VAV3: variants seen among roughly 807,000 people sequenced by gnomAD.
VAV3 encodes the protein vav guanine nucleotide exchange factor 3.
Under a neutral mutation model 131.2 loss-of-function variants are expected in VAV3, and 94 were observed. The ratio of observed to expected loss-of-function variants is 0.72; its 90% CI spans 0.61 to 0.85. The LOEUF is 0.85. Among genes scored for constraint, VAV3 ranks in the 40% least tolerant of loss-of-function variants. The pLI is 0.00. For missense variants in VAV3, 939 were observed against 1,002.7 expected, an observed-to-expected ratio of 0.94 and a Z score of 0.86; for synonymous variants, 349 against 342.0, an observed-to-expected ratio of 1.02 and a Z score of -0.22.
chr1:107,940,095 C>T (rs541670800), intron 1 of VAV3, among the ~76,000 whole-genome samples: 4 of 152,148 alleles, frequency 2.6e-5, no homozygotes, highest in Admixed American at 6.6e-5. Context: ...TCTCAAATTT[C>T]GTATTCTATA....
chr1:107,634,654 G>A (rs1654764440), intron 20 of VAV3, among the ~76,000 whole-genome samples: 1 of 151,688 alleles, frequency 6.6e-6, no homozygotes, highest in African/African-American at 2.4e-5. Context: ...CTTCTGCACA[G>A]CAAAAGAAAC....
intron 3 of VAV3, among the ~76,000 whole-genome samples, chr1:107,779,049 A>C (rs1182240266): frequency 6.6e-6 from 1 of 152,140 alleles, no homozygotes; most frequent in Non-Finnish European, 1.5e-5. Flanking sequence ...AAAAGCTATG[A>C]GTTATTATGA....
At chr1:107,817,028 A>G (rs1285517667) in intron 2 of VAV3, among the ~76,000 whole-genome samples, 1 of 152,224 alleles carries the variant, frequency 6.6e-6, no homozygotes, top group Non-Finnish European at 1.5e-5. Context: ...TGTTCCTCCA[A>G]TAACAGCTAT....
chr1:107,793,490 C>T (rs891366498), intron 2 of VAV3, among the ~76,000 whole-genome samples: 1 of 152,142 alleles, frequency 6.6e-6, no homozygotes, highest in Admixed American at 6.5e-5. Flanking sequence ...CGGCCTTATT[C>T]ACTGCAGTAT....
rs1308026021 is a variant in VAV3, at chr1:107,869,448, A to G, written c.321+5453T>C. Among the ~76,000 whole-genome samples the G allele has an allele frequency of 3.3e-5, 5 of 152,186 alleles. No individual in the cohort carries two copies. In the East Asian group the frequency reaches 5.8e-4, roughly 18 times the overall value. On this transcript the variant is annotated intron_variant, in intron 2 of 26. Transcript: ENST00000370056. Reference sequence around the variant, plus strand: ...AATAGTGATAATAACATTAACAATAAGAGTACTTACCTTGGACCTTGACAC... The same window carrying G: ...AATAGTGATAATAACATTAACAATAGGAGTACTTACCTTGGACCTTGACAC...
intron 15 of VAV3, among the ~76,000 whole-genome samples, chr1:107,709,609 C>G (rs1016416486): frequency 6.6e-6 from 1 of 152,122 alleles, no homozygotes; most frequent in Non-Finnish European, 1.5e-5. Flanking sequence ...TCTTGTAGTT[C>G]CAATAATCCC....
rs1247247262 is a variant in VAV3 at position 107,787,350 on chromosome 1, AAC to A, written c.322-7860_322-7859del. 1.9e-4 allele frequency among the ~76,000 whole-genome samples: 29 copies of A among 152,328 alleles called. 1 individual carries two copies. Among genetic ancestry groups the A allele is most frequent in the African/African-American group, 7.0e-4 (29 of 41,584 alleles). On this transcript the variant is annotated intron_variant, in intron 2 of 26. Coordinates refer to ENST00000370056, the MANE Select transcript of VAV3 (RefSeq NM_006113.5). ...CAATGCTTCCTGCTCTCAAAAAACC[AAC>A]AGTCTATTAGGAAAGACCATAACAA...
chr1:107,576,359 T>G, intron 25 of VAV3: 2 of 1,470,454 alleles, frequency 1.4e-6, no homozygotes, highest in Middle Eastern at 1.7e-4. Flanking sequence ...CAGAAGCAAG[T>G]TGAAGAGACA....
intron 1 of VAV3, among the ~76,000 whole-genome samples, chr1:107,929,730 T>C (rs1673331294): frequency 1.3e-5 from 2 of 152,190 alleles, no homozygotes; most frequent in Admixed American, 6.5e-5. Context: ...TTTGCTTGTT[T>C]GTTTGCTTGT....
intron 2 of VAV3, among the ~76,000 whole-genome samples, chr1:107,816,474 G>C (rs566895709): frequency 4.5e-4 from 69 of 152,252 alleles, no homozygotes; most frequent in South Asian, 1.4e-3. Flanking sequence ...GTCTTATACA[G>C]TCTTGAGCAG....
At chr1:107,797,255 C>G (rs1481975698) in intron 2 of VAV3, among the ~76,000 whole-genome samples, 1 of 152,166 alleles carries the variant, frequency 6.6e-6, no homozygotes, top group Non-Finnish European at 1.5e-5. Flanking sequence ...GTCACTTCAG[C>G]TTTCTTATAA....
chr1:107,591,557 C>T (rs186513648), intron 25 of VAV3, among the ~76,000 whole-genome samples: 7 of 152,242 alleles, frequency 4.6e-5, no homozygotes, highest in East Asian at 3.9e-4. Flanking sequence ...ATGGACCAGA[C>T]GCTTCTATGT....
At chr1:107,852,704 T>C (rs1410461847) in intron 2 of VAV3, among the ~76,000 whole-genome samples, 1 of 152,206 alleles carries the variant, frequency 6.6e-6, no homozygotes, top group African/African-American at 2.4e-5. Context: ...GTATATCAAC[T>C]GGTATCTTAA....
Position 107,583,364 on chromosome 1 carries a change from T to C in VAV3, c.2351-9166A>G, listed in dbSNP as rs542115697. 2.6e-3 allele frequency among the ~76,000 whole-genome samples: 397 copies of C among 152,294 alleles called. 1 individual carries two copies. Among genetic ancestry groups the C allele is most frequent in the African/African-American group, 9.1e-3 (378 of 41,552 alleles). On this transcript the variant is annotated intron_variant, in intron 25 of 26. Transcript: ENST00000370056. ...AAACTGGCACAAGACAAGGATGCCC[T>C]CTCTCACCACTCCTATTCAACATAG... is the stretch of plus-strand genomic sequence containing the variant.
intron 1 of VAV3, among the ~76,000 whole-genome samples, chr1:107,956,997 T>G (rs1324193892): frequency 6.6e-6 from 1 of 152,104 alleles, no homozygotes; most frequent in African/African-American, 2.4e-5. Context: ...GTTCAAAGGA[T>G]TGTTGGGTTT....
intron 2 of VAV3, among the ~76,000 whole-genome samples, chr1:107,868,246 T>C (rs1025215254): frequency 3.9e-5 from 6 of 152,202 alleles, no homozygotes; most frequent in African/African-American, 1.4e-4. Flanking sequence ...ACGTGTTTTA[T>C]GTCAAACAAG....
At chr1:107,757,468 T>G (rs1182253823) in intron 10 of VAV3, 139 bp from the exon 11 acceptor site, 1 of 734,432 alleles carries the variant, frequency 1.4e-6, no homozygotes, top group African/African-American at 1.8e-5. Flanking sequence ...GGGCTCCATT[T>G]CCATCAAAAA....
chr1:107,837,234 G>A (rs1557874534), intron 2 of VAV3, among the ~76,000 whole-genome samples: 1 of 152,082 alleles, frequency 6.6e-6, no homozygotes, highest in Non-Finnish European at 1.5e-5. Flanking sequence ...GATGAAGGAG[G>A]CCTTATTCCT....
intron 19 of VAV3, among the ~76,000 whole-genome samples, chr1:107,657,417 A>C (rs1656652174): frequency 6.6e-6 from 1 of 152,214 alleles, no homozygotes; most frequent in South Asian, 2.1e-4. Flanking sequence ...AGAATTTCAA[A>C]TGTTATGGCC....
Sources: allele counts gnomAD v4.1 joint callset (sites outside exome capture counted in the v4.1 genomes callset), GRCh38; gene constraint gnomAD v4.1.1; transcripts MANE v1.5; gene names NCBI Gene and HGNC (gene_info 2026-07-23, HGNC 2026-07-21).